The following GUCY1A2 variants were observed in gnomAD, a reference collection of about 807,000 sequenced individuals.
GUCY1A2 encodes the protein guanylate cyclase 1 soluble subunit alpha 2.
Under a neutral mutation model 63.5 loss-of-function variants are expected in GUCY1A2, and 27 were observed. The observed-to-expected ratio is 0.43, with a 90% CI of 0.31 to 0.59. GUCY1A2 has a LOEUF of 0.59. GUCY1A2 is among the 20% of genes least tolerant of loss of function. The pLI, the probability that GUCY1A2 is intolerant of heterozygous loss-of-function variation, is 0.11. For missense variants in GUCY1A2, 768 were observed against 913.3 expected (o/e 0.84, Z 2.05); for synonymous variants, 364 against 343.5 (o/e 1.06, Z -0.66).
chr11:106,936,719 T>A, intron 4 of GUCY1A2: 1 of 804,780 alleles, frequency 1.2e-6, no homozygotes, highest in East Asian at 4.6e-5. Context: ...TGCTCTTGAT[T>A]TTTTTTTTTT....
intron 7 of GUCY1A2, among the ~76,000 whole-genome samples, chr11:106,704,131 C>G (rs781303164): frequency 2.5e-4 from 38 of 152,144 alleles, no homozygotes; most frequent in Admixed American, 1.9e-3. Flanking sequence ...CATTCTTTCT[C>G]TCAAATTTCC....
intron 1 of GUCY1A2, among the ~76,000 whole-genome samples, chr11:106,989,126 C>A (rs1861439060): frequency 6.6e-6 from 1 of 152,192 alleles, no homozygotes; most frequent in African/African-American, 2.4e-5. Context: ...GAATGCAGCT[C>A]CATAACTGGC....
intron 4 of GUCY1A2, among the ~76,000 whole-genome samples, chr11:106,875,079 T>C (rs1215304715): frequency 6.6e-6 from 1 of 152,134 alleles, no homozygotes; most frequent in Non-Finnish European, 1.5e-5. Context: ...TATGAAAAGA[T>C]TTATCAACCA....
intron 7 of GUCY1A2, among the ~76,000 whole-genome samples, chr11:106,706,520 T>G (rs763474243): frequency 6.6e-6 from 1 of 151,060 alleles, no homozygotes; most frequent in Non-Finnish European, 1.5e-5. Flanking sequence ...ACCACCAAAA[T>G]GCACAGACTT....
chr11:106,727,500 G>A (rs1374768686), intron 6 of GUCY1A2, among the ~76,000 whole-genome samples: 1 of 152,058 alleles, frequency 6.6e-6, no homozygotes, highest in East Asian at 1.9e-4. Flanking sequence ...TCTTGATCTT[G>A]GAAGAAAACC....
At chr11:106,965,078 G>GT (rs143383714) in intron 3 of GUCY1A2, among the ~76,000 whole-genome samples, 7,630 of 147,654 alleles carry the variant, frequency 0.052, 227 homozygotes, top group East Asian at 0.11. Context: ...ACAGGGTGTT[G>GT]TTTTTTTTTT....
At chr11:106,798,961 G>C (rs1438553576) in intron 5 of GUCY1A2, among the ~76,000 whole-genome samples, 1 of 152,216 alleles carries the variant, frequency 6.6e-6, no homozygotes, top group Non-Finnish European at 1.5e-5. Context: ...ATTAGGAAGA[G>C]AGGAAGTCAA....
At chr11:106,812,943 G>A (rs1174045967) in intron 4 of GUCY1A2, among the ~76,000 whole-genome samples, 1 of 151,906 alleles carries the variant, frequency 6.6e-6, no homozygotes, top group Non-Finnish European at 1.5e-5. Context: ...GGCACCATTT[G>A]TATCTCTGTC....
At chr11:106,689,608 A>G (rs1314733618) in intron 7 of GUCY1A2, among the ~76,000 whole-genome samples, 1 of 152,204 alleles carries the variant, frequency 6.6e-6, no homozygotes, top group Non-Finnish European at 1.5e-5. Context: ...CACGTATATG[A>G]AAAAAAGCTC....
chr11:106,936,545 G>C, intron 4 of GUCY1A2: 1 of 567,858 alleles, frequency 1.8e-6, no homozygotes, highest in Non-Finnish European at 3.1e-6. Flanking sequence ...AATAGGGAGA[G>C]AGAAGAATAT....
intron 4 of GUCY1A2, among the ~76,000 whole-genome samples, chr11:106,927,852 G>A (rs928878131): frequency 3.9e-5 from 6 of 152,098 alleles, no homozygotes; most frequent in African/African-American, 9.7e-5. Flanking sequence ...GATTACAGGC[G>A]TGAGCCACCA....
intron 4 of GUCY1A2, among the ~76,000 whole-genome samples, chr11:106,882,510 T>C (rs981846466): frequency 2.8e-4 from 43 of 151,934 alleles, no homozygotes; most frequent in African/African-American, 9.4e-4. Context: ...TGAACAATCA[T>C]GAACCGTTTT....
At chr11:106,769,967 C>T (rs1487028137) in intron 6 of GUCY1A2, among the ~76,000 whole-genome samples, 1 of 151,558 alleles carries the variant, frequency 6.6e-6, no homozygotes, top group African/African-American at 2.4e-5. Flanking sequence ...TACAGTCGAC[C>T]CTGTGTATCC....
At chr11:106,871,237 G>A (rs1351629932) in intron 4 of GUCY1A2, among the ~76,000 whole-genome samples, 1 of 152,096 alleles carries the variant, frequency 6.6e-6, no homozygotes, top group Non-Finnish European at 1.5e-5. Context: ...GAAGAATTAA[G>A]ATGAGTATAT....
At chr11:106,942,660 T>C (rs4620687) in intron 3 of GUCY1A2, among the ~76,000 whole-genome samples, 137,826 of 152,238 alleles carry the variant, frequency 0.91, 62,467 homozygotes, top group East Asian at 1. Flanking sequence ...ACTTGCATTT[T>C]TCATAACATT....
At chr11:106,976,535 AATAT>A (rs1861264839) in intron 3 of GUCY1A2, among the ~76,000 whole-genome samples, 1 of 152,178 alleles carries the variant, frequency 6.6e-6, no homozygotes, top group Admixed American at 6.5e-5. Flanking sequence ...TCAGAGAGTC[AATAT>A]ATCAAGAGTT....
chr11:106,986,093 C>G lies in GUCY1A2; in HGVS notation c.342G>C (p.Gln114His), dbSNP rs563972800. 1.3e-6 allele frequency: 2 copies of G among 1,498,592 alleles called. No homozygotes were observed. The highest frequency in any genetic ancestry group is 1.9e-6 in the Non-Finnish European group (2 of 1,074,760). The allele number at this position is 1,498,592 out of a possible 1,614,324, so 92.8% of individuals were successfully genotyped here. Residue 114 changes from glutamine to histidine, a missense_variant, in exon 2 of 8, where the codon CAG (glutamine) becomes CAC (histidine). Physicochemically the swap from Gln to His is conservative, Grantham distance 24. Around this residue, in one of 3 missense-constraint regions of GUCY1A2, gnomAD observed 496 missense variants for 486.9 expected, o/e 1.02. Coordinates refer to ENST00000526355, the MANE Select transcript of GUCY1A2 (RefSeq NM_000855.3). ...TIQQTLKRTLQYYEHQVIGYR... is the reference protein window; with the variant it reads ...TIQQTLKRTLHYYEHQVIGYR... ...ACCCAATAACTTGATGTTCATAATACTGCAGTGTCCTCTTGAGAGTCTGCT... is the reference window on the plus strand; with the variant it reads ...ACCCAATAACTTGATGTTCATAATAGTGCAGTGTCCTCTTGAGAGTCTGCT...
At chr11:106,915,994 G>A in intron 4 of GUCY1A2, among the ~76,000 whole-genome samples, 1 of 144,456 alleles carries the variant, frequency 6.9e-6, no homozygotes, top group Non-Finnish European at 1.6e-5. Context: ...ATCCATGAAG[G>A]GGAACAAGGG....
At chr11:106,789,673 C>T (rs1376227045) in intron 5 of GUCY1A2, among the ~76,000 whole-genome samples, 1 of 152,178 alleles carries the variant, frequency 6.6e-6, no homozygotes, top group Non-Finnish European at 1.5e-5. Flanking sequence ...GTGTTGTGAT[C>T]TAAGCCCTAG....
Sources: gnomAD v4.1 joint callset for allele counts (sites outside exome capture counted in the v4.1 genomes callset) on GRCh38, gnomAD v4.1.1 for gene constraint, gnomAD v4.1.1 regional missense constraint, MANE v1.5 for transcripts, NCBI Gene and HGNC (gene_info 2026-07-23, HGNC 2026-07-21) for gene names.